CNTNAP5: variants seen among roughly 807,000 people sequenced by gnomAD.
The protein encoded by CNTNAP5 is contactin-associated protein-like 5.
CNTNAP5 carries 72 observed loss-of-function variants against 150.2 expected under a neutral mutation model. The observed-to-expected ratio is 0.48, with a 90% CI of 0.40 to 0.58. The LOEUF is 0.58. Ranked by LOEUF, CNTNAP5 falls within the 20% of genes least tolerant of loss-of-function variation. CNTNAP5 has a pLI of 0.00. For synonymous variants in CNTNAP5, 672 were observed against 619.8 expected (o/e 1.08, Z -1.25); for missense variants, 1,636 against 1,626.2 (o/e 1.01, Z -0.10).
At chr2:124,459,824 G>T (rs1177123482) in intron 6 of CNTNAP5, among the ~76,000 whole-genome samples, 5 of 151,536 alleles carry the variant, frequency 3.3e-5, no homozygotes, top group African/African-American at 1.2e-4. Flanking sequence ...CCCATGTTGT[G>T]GTCATCTAAC....
chr2:124,419,896 T>TTCTC (rs1553466616), intron 4 of CNTNAP5, among the ~76,000 whole-genome samples: 2 of 85,234 alleles, frequency 2.3e-5, no homozygotes, highest in African/African-American at 4.8e-5. Context: ...ACTGGATTGG[T>TTCTC]TTTCTTTCTT....
chr2:124,739,518 A>G (rs1373147623), intron 13 of CNTNAP5, among the ~76,000 whole-genome samples: 1 of 152,156 alleles, frequency 6.6e-6, no homozygotes, highest in Admixed American at 6.6e-5. Context: ...AATCACTGGT[A>G]ATCTCTTGGC....
At chr2:124,909,824 G>GAT (rs1203121251) in intron 22 of CNTNAP5, among the ~76,000 whole-genome samples, 24 of 29,202 alleles carry the variant, frequency 8.2e-4, no homozygotes, top group African/African-American at 2.1e-3. Context: ...ATCAATTGGT[G>GAT]ACATATATAT....
At chr2:124,330,197 A>G (rs1689315461) in intron 3 of CNTNAP5, among the ~76,000 whole-genome samples, 1 of 152,166 alleles carries the variant, frequency 6.6e-6, no homozygotes, top group Admixed American at 6.5e-5. Flanking sequence ...CTATAGCTTT[A>G]TAATATCAAC....
chr2:124,679,691 C>T (rs1194494833), intron 13 of CNTNAP5, among the ~76,000 whole-genome samples: 1 of 151,594 alleles, frequency 6.6e-6, no homozygotes, highest in Admixed American at 6.7e-5. Context: ...ACCTCAGCCT[C>T]CTGAGCAGCT....
rs180895278 is a variant in CNTNAP5 at position 124,916,708 on chromosome 2, C to G, written c.*2420C>G. Among the ~76,000 whole-genome samples, 1 of 152,114 alleles carries G rather than the reference C, an allele frequency of 6.6e-6. No individual in the cohort carries two copies. The highest frequency in any genetic ancestry group is 2.4e-5 in the African/African-American group (1 of 41,540). ...GGATGAAGAATCTGTGAAGCTCTAT[C>G]CTGACCACAATGGCACTACAAAATC... On this transcript the variant is annotated 3_prime_UTR_variant, in exon 24 of 24. Coordinates refer to ENST00000682447, the MANE Select transcript of CNTNAP5 (RefSeq NM_001367498.1).
At chr2:124,843,492 T>G (rs1381019522) in intron 19 of CNTNAP5, among the ~76,000 whole-genome samples, 1 of 152,174 alleles carries the variant, frequency 6.6e-6, no homozygotes, top group African/African-American at 2.4e-5. Context: ...TGCAAGTATC[T>G]TTTTCATATA....
chr2:124,759,049 T>G (rs1426938627), intron 14 of CNTNAP5, among the ~76,000 whole-genome samples: 1 of 151,986 alleles, frequency 6.6e-6, no homozygotes, highest in East Asian at 1.9e-4. Context: ...CACAAAATAT[T>G]TTATGCAAGA....
At chr2:124,316,804 C>CAAAAAA (rs56812690) in intron 3 of CNTNAP5, among the ~76,000 whole-genome samples, 923 of 52,894 alleles carry the variant, frequency 0.017, no homozygotes, top group Middle Eastern at 0.04. Context: ...GACTCCATCT[C>CAAAAAA]AAAAAAAAAA....
chr2:124,695,406 A>G (rs897813105), intron 13 of CNTNAP5, among the ~76,000 whole-genome samples: 10 of 152,294 alleles, frequency 6.6e-5, no homozygotes, highest in African/African-American at 2.4e-4. Flanking sequence ...TTTAATAACA[A>G]CTATGTTTCA....
intron 2 of CNTNAP5, among the ~76,000 whole-genome samples, chr2:124,237,641 A>G (rs1299104637): frequency 6.6e-6 from 1 of 152,148 alleles, no homozygotes; most frequent in Non-Finnish European, 1.5e-5. Flanking sequence ...GTTCGAGAGC[A>G]GTCTGGCCAA....
chr2:124,747,302 G>T lies in CNTNAP5; in HGVS notation c.2151G>T (p.Gly717=). ...CTTACTGGGGAGGTTCCCCTCCTGG[G>T]GTCCAGCAGTGTGAGTGTGGCCTAG... ...RHPYWGGSPP[G]VQQCECGLDE... Residue 717 remains glycine (G), a synonymous_variant, in exon 14 of 24, where the codon GGG becomes GGT. Transcript: ENST00000682447. The T allele has an allele frequency of 6.2e-7, 1 of 1,613,776 alleles. No individual in the cohort carries two copies. Among genetic ancestry groups the T allele is most frequent in the Non-Finnish European group, 8.5e-7 (1 of 1,179,780 alleles).
intron 13 of CNTNAP5, among the ~76,000 whole-genome samples, chr2:124,744,945 T>A (rs1558759221): frequency 6.6e-6 from 1 of 152,222 alleles, no homozygotes; most frequent in Non-Finnish European, 1.5e-5. Context: ...CATAATTTTT[T>A]GTTCTCTCTC....
chr2:124,050,424 A>G (rs1322663142), intron 1 of CNTNAP5, among the ~76,000 whole-genome samples: 1 of 152,130 alleles, frequency 6.6e-6, no homozygotes, highest in Non-Finnish European at 1.5e-5. Context: ...AGATCTCAAC[A>G]GTGCACTACA....
At chr2:124,832,874 T>A (rs55906816) in intron 19 of CNTNAP5, among the ~76,000 whole-genome samples, 2,473 of 152,034 alleles carry the variant, frequency 0.016, 53 homozygotes, top group African/African-American at 0.052. Context: ...TTTTGAGTAA[T>A]GATCATTTAA....
chr2:124,620,886 G>A lies in CNTNAP5; in HGVS notation c.1876+10966G>A, dbSNP rs187270644. Reference sequence around the variant, plus strand: ...TACAACCACTCTTACAGTTGACATAGTATGAATGATATTACATAGTCATTC... The same window carrying A: ...TACAACCACTCTTACAGTTGACATAATATGAATGATATTACATAGTCATTC... On this transcript the variant is annotated intron_variant, in intron 12 of 23. Transcript: ENST00000682447. Among the ~76,000 whole-genome samples the A allele has an allele frequency of 1.6e-4, 24 of 152,176 alleles. No homozygotes were observed. In the South Asian group the frequency reaches 2.7e-3, roughly 17 times the overall value.
chr2:124,576,603 C>T (rs561532573), intron 11 of CNTNAP5, among the ~76,000 whole-genome samples: 94 of 152,108 alleles, frequency 6.2e-4, no homozygotes, highest in Middle Eastern at 3.4e-3. Context: ...GAAAACAAAC[C>T]CGTTCTGTAT....
intron 1 of CNTNAP5, among the ~76,000 whole-genome samples, chr2:124,140,077 A>G (rs1212087045): frequency 1.3e-5 from 2 of 152,010 alleles, no homozygotes; most frequent in Non-Finnish European, 1.5e-5. Flanking sequence ...TGCGCTTTTC[A>G]GACCGGCTTA....
intron 3 of CNTNAP5, among the ~76,000 whole-genome samples, chr2:124,302,593 A>T (rs1688592005): frequency 6.6e-6 from 1 of 152,196 alleles, no homozygotes; most frequent in South Asian, 2.1e-4. Context: ...CTCACTCCGC[A>T]AAATAGCAGC....
Sources: allele counts gnomAD v4.1 joint callset (sites outside exome capture counted in the v4.1 genomes callset), GRCh38; gene constraint gnomAD v4.1.1; transcripts MANE v1.5; gene names NCBI Gene and HGNC (gene_info 2026-07-23, HGNC 2026-07-21).